DAGLB: variants seen among roughly 807,000 people sequenced by gnomAD.
DAGLB encodes the protein diacylglycerol lipase beta.
In DAGLB, 66 loss-of-function variants were observed where a neutral mutation model predicts 72.1. That is an observed-to-expected ratio of 0.92 (90% CI 0.75 to 1.12). DAGLB has a LOEUF of 1.12. Ranked by LOEUF, DAGLB falls within the 50% of genes most tolerant of loss-of-function variation. The pLI is 0.00. For missense variants in DAGLB, 1,065 were observed against 884.9 expected (o/e 1.20, Z -2.58); for synonymous variants, 414 against 359.5 (o/e 1.15, Z -1.71).
At chr7:6,420,038 T>G (rs921128968) in intron 9 of DAGLB, among the ~76,000 whole-genome samples, 38 of 152,112 alleles carry the variant, frequency 2.5e-4, no homozygotes, top group African/African-American at 7.2e-4. Context: ...TCCCAGCTAC[T>G]TGGGAGGCTG....
chr7:6,424,905 C>A, intron 7 of DAGLB, 70 bp from the exon 8 acceptor site: 1 of 1,476,958 alleles, frequency 6.8e-7, no homozygotes, highest in South Asian at 1.1e-5. Flanking sequence ...AGTCGGAGCC[C>A]TGCAGTGTCT....
intron 3 of DAGLB, among the ~76,000 whole-genome samples, chr7:6,435,746 G>C (rs909459638): frequency 6.6e-6 from 1 of 152,106 alleles, no homozygotes; most frequent in Non-Finnish European, 1.5e-5. Context: ...ATTTCACACT[G>C]CAAGACGCCG....
chr7:6,428,990 G>C (rs544856913), intron 6 of DAGLB, among the ~76,000 whole-genome samples: 3 of 152,110 alleles, frequency 2.0e-5, no homozygotes, highest in Non-Finnish European at 2.9e-5. Context: ...TTTTTAGTGA[G>C]ATGGAGTTTT....
At chr7:6,432,544 C>T (rs1271669433) in intron 5 of DAGLB, among the ~76,000 whole-genome samples, 2 of 151,490 alleles carry the variant, frequency 1.3e-5, no homozygotes, top group Middle Eastern at 6.3e-3. Flanking sequence ...CCTGTAGTCC[C>T]AGCTACTCAG....
chr7:6,443,828 T>G (rs1784911999), intron 2 of DAGLB, among the ~76,000 whole-genome samples: 1 of 152,194 alleles, frequency 6.6e-6, no homozygotes, highest in Admixed American at 6.6e-5. Context: ...GAATCATTTC[T>G]AAGAATGCAT....
Position 6,439,587 on chromosome 7 carries a change from G to A in DAGLB, c.248-3054C>T, listed in dbSNP as rs55924316. Among the ~76,000 whole-genome samples, 367 of 152,286 alleles carry A rather than the reference G, an allele frequency of 2.4e-3. 3 individuals carry two copies. The highest frequency in any genetic ancestry group is 8.0e-3 in the African/African-American group (332 of 41,560). On this transcript the variant is annotated intron_variant, in intron 2 of 14. Transcript: ENST00000297056. ...TGAGCTCTTGGGATACAAACACAGA[G>A]GAGATACAAGGAGGCATCCCACAAT...
chr7:6,412,743 G>A (rs989519865), intron 13 of DAGLB, 68 bp downstream of exon 13: 65 of 1,528,688 alleles, frequency 4.3e-5, no homozygotes, highest in South Asian at 1.9e-4. Context: ...AATTCCTCCC[G>A]GCTCTCCACA....
At chr7:6,422,428 G>A (rs1222919710) in intron 8 of DAGLB, 2 of 175,498 alleles carry the variant, frequency 1.1e-5, no homozygotes, top group Admixed American at 5.6e-5. Flanking sequence ...CGAGTGCTGT[G>A]CTGCTGGGCT....
chr7:6,445,983 C>A lies in DAGLB; in HGVS notation c.217G>T (p.Val73Leu), dbSNP rs140884384. 6.2e-7 allele frequency: 1 copy of A among 1,611,512 alleles called. No individual in the cohort carries two copies. The highest frequency in any genetic ancestry group is 2.2e-5 in the East Asian group (1 of 44,872). The change falls in exon 2 of 15, where the codon GTG (valine) becomes TTG (leucine). Residue 73 changes from valine to leucine, a missense_variant. By Grantham distance (32) the Val-to-Leu change is conservative. Transcript: ENST00000297056. ...ATGCTGACACACATGATGGCTGACACAGTACATATGACAACTGCCAGGAGA... is the reference window on the plus strand; with the variant it reads ...ATGCTGACACACATGATGGCTGACAAAGTACATATGACAACTGCCAGGAGA... ...MILLAVVICT[V>L]SAIMCVSMRG...
intron 4 of DAGLB, 47 bp from the exon 5 acceptor site, chr7:6,433,006 A>AC: frequency 6.3e-7 from 1 of 1,588,478 alleles, no homozygotes. Context: ...AGCAGGCACC[A>AC]CCCCCGGGTT....
intron 2 of DAGLB, among the ~76,000 whole-genome samples, chr7:6,442,998 C>A (rs1456126217): frequency 1.4e-5 from 2 of 145,636 alleles, no homozygotes; most frequent in African/African-American, 5.1e-5. Context: ...ACAGTGAAAC[C>A]CCGTCTCTTC....
chr7:6,447,310 T>C (rs563931403), intron 1 of DAGLB, among the ~76,000 whole-genome samples: 2 of 152,316 alleles, frequency 1.3e-5, no homozygotes, highest in Non-Finnish European at 2.9e-5. Flanking sequence ...CGGTATTTTT[T>C]CCTATCCTTC....
rs758841943 is a variant in DAGLB, at chr7:6,412,898, G to A, written c.1497-15C>T. The A allele has an allele frequency of 3.1e-6, 5 of 1,611,070 alleles. No homozygotes were observed. Among genetic ancestry groups the A allele is most frequent in the Non-Finnish European group, 4.2e-6 (5 of 1,178,696 alleles). On this transcript the variant is annotated splice_polypyrimidine_tract_variant and intron_variant, in intron 12 of 14. Coordinates refer to ENST00000297056, the MANE Select transcript of DAGLB (RefSeq NM_139179.4). ...TCACACTGAGCCTGTTTAGCAAAGG[G>A]GCACACTGAGGCTGGGACCTGGCAC... is the stretch of plus-strand genomic sequence containing the variant.
intron 2 of DAGLB, among the ~76,000 whole-genome samples, chr7:6,439,249 T>G (rs542372051): frequency 5.4e-5 from 8 of 148,460 alleles, no homozygotes; most frequent in Admixed American, 2.0e-4. Flanking sequence ...AGTGAGACTC[T>G]ATCTCAAAAA....
In DAGLB at chr7:6,413,097, TGAAA is replaced by T. The variant is rs1783786362; in HGVS notation, c.1428-67_1428-64del. On this transcript the variant is annotated intron_variant, in intron 11 of 14. Transcript: ENST00000297056. ...ATGACACTGCCCACAAGGGCTTCCATGAAAGAAATCAGTAACACTGAGGGGTTAG... is the reference window on the plus strand; with the variant it reads ...ATGACACTGCCCACAAGGGCTTCCATGAAATCAGTAACACTGAGGGGTTAG... The T allele has an allele frequency of 2.3e-5, 36 of 1,552,114 alleles. 1 individual carries two copies. The South Asian group carries it at 3.8e-4, about 16-fold the overall frequency.
intron 9 of DAGLB, among the ~76,000 whole-genome samples, chr7:6,419,430 TG>T (rs1434142662): frequency 6.6e-6 from 1 of 152,166 alleles, no homozygotes; most frequent in Non-Finnish European, 1.5e-5. Context: ...CAGCAGGACG[TG>T]GACTAAGCTG....
chr7:6,433,054 C>A, intron 4 of DAGLB, 95 bp from the exon 5 acceptor site: 1 of 1,499,692 alleles, frequency 6.7e-7, no homozygotes. Context: ...TAGGCATTCA[C>A]GCACACACAG....
Position 6,409,892 on chromosome 7 carries a change from C to G in DAGLB, c.1964G>C (p.Arg655Thr), listed in dbSNP as rs749309835. The G allele has an allele frequency of 1.4e-5, 23 of 1,613,994 alleles. No homozygotes were observed. The East Asian group carries it at 3.8e-4, about 27-fold the overall frequency. The stretch of plus-strand genomic sequence containing the variant: ...TGCTGGACAGGAGACGCAGGCCGCT[C>G]TGTCGGAGACCACGCTGTCCAAGGC... ...MRALDSVVSD[R>T]AACVSCPAQG... is the part of the protein sequence containing the mutation. The change falls in exon 15 of 15, where the codon AGA becomes ACA. Residue 655 changes from arginine (R) to threonine (T), a missense_variant. Arg to Thr is a moderately conservative substitution (Grantham distance 71, BLOSUM62 -1). Transcript: ENST00000297056.
rs34344272 is a variant in DAGLB, at chr7:6,441,092, ATT to A, written c.248-4561_248-4560del. 1.8e-3 allele frequency among the ~76,000 whole-genome samples: 249 copies of A among 139,202 alleles called. 1 individual carries two copies. Among genetic ancestry groups the A allele is most frequent in the Middle Eastern group, 7.4e-3 (2 of 270 alleles). 91.3% of individuals were successfully genotyped at this position (139,202 alleles called of 152,430 possible). On this transcript the variant is annotated intron_variant, in intron 2 of 14. Transcript: ENST00000297056. ...TGACGTTATGTGTAACAAACTGACA[ATT>A]TTTTTTTTTTTTTTGAGATGGAGTC...
Sources: gnomAD v4.1 joint callset for allele counts (sites outside exome capture counted in the v4.1 genomes callset) on GRCh38, gnomAD v4.1.1 for gene constraint, MANE v1.5 for transcripts, NCBI Gene and HGNC (gene_info 2026-07-23, HGNC 2026-07-21) for gene names.